ACCSL: variants seen among roughly 807,000 people sequenced by gnomAD.
The protein encoded by ACCSL is probable inactive 1-aminocyclopropane-1-carboxylate synthase-like protein 2.
In ACCSL, 55 loss-of-function variants were observed where a neutral mutation model predicts 61.7. The ratio of observed to expected loss-of-function variants is 0.89; its 90% CI spans 0.72 to 1.12. The LOEUF is 1.12. Among genes scored for constraint, ACCSL ranks in the 50% most tolerant of loss-of-function variants. The pLI, the probability that ACCSL is intolerant of heterozygous loss-of-function variation, is 0.00. For synonymous variants in ACCSL, 258 were observed against 264.3 expected (o/e 0.98, Z 0.23); for missense variants, 632 against 698.0 (o/e 0.91, Z 1.07).
chr11:44,056,133 G>A, intron 10 of ACCSL, 48 bp downstream of exon 10: 2 of 1,614,176 alleles, frequency 1.2e-6, no homozygotes, highest in Non-Finnish European at 1.7e-6. Flanking sequence ...GAGGAGCCAG[G>A]AATAGAAGGC....
At chr11:44,031,598 C>A in the ACCSL span, among the ~76,000 whole-genome samples, 1 of 152,002 alleles carries the variant, frequency 6.6e-6, no homozygotes, top group African/African-American at 2.4e-5. Context: ...GGTGGGAGGG[C>A]CTTCAGACTG....
chr11:43,930,381 G>A, the ACCSL span, among the ~76,000 whole-genome samples: 1 of 152,190 alleles, frequency 6.6e-6, no homozygotes, highest in Non-Finnish European at 1.5e-5. Flanking sequence ...ATGTTGAAAT[G>A]TGACTCCCAG....
the ACCSL span, among the ~76,000 whole-genome samples, chr11:43,927,726 A>G: frequency 6.6e-6 from 1 of 152,240 alleles, no homozygotes. Context: ...CAGAAAGAGT[A>G]CACCAATTTA....
chr11:44,009,136 C>T, the ACCSL span, among the ~76,000 whole-genome samples: 1 of 152,134 alleles, frequency 6.6e-6, no homozygotes, highest in Non-Finnish European at 1.5e-5. Context: ...GCACTGCATT[C>T]CAGCCTGGGT....
At chr11:44,002,533 A>C in the ACCSL span, among the ~76,000 whole-genome samples, 1 of 151,988 alleles carries the variant, frequency 6.6e-6, no homozygotes, top group African/African-American at 2.4e-5. Flanking sequence ...CTGGCAACCA[A>C]CTCAGGGTTT....
chr11:43,989,700 C>T, the ACCSL span, among the ~76,000 whole-genome samples: 2 of 152,246 alleles, frequency 1.3e-5, no homozygotes, highest in Non-Finnish European at 2.9e-5. Flanking sequence ...CTTTCCACTT[C>T]TCTGCACTAT....
At chr11:43,974,993 G>A in the ACCSL span, among the ~76,000 whole-genome samples, 7 of 152,154 alleles carry the variant, frequency 4.6e-5, no homozygotes, top group Non-Finnish European at 1.0e-4. Flanking sequence ...AGCAATAAAG[G>A]AAAAATGGAG....
the ACCSL span, among the ~76,000 whole-genome samples, chr11:43,953,669 C>T: frequency 2.6e-5 from 4 of 152,078 alleles, no homozygotes; most frequent in Non-Finnish European, 4.4e-5. Flanking sequence ...CTCCCCTCAG[C>T]GCCACAACAG....
At chr11:43,980,361 A>G in the ACCSL span, among the ~76,000 whole-genome samples, 1 of 152,236 alleles carries the variant, frequency 6.6e-6, no homozygotes, top group African/African-American at 2.4e-5. Flanking sequence ...TGTTCTGTAG[A>G]AACATTGGAG....
At chr11:43,976,337 A>T in the ACCSL span, among the ~76,000 whole-genome samples, 3 of 152,206 alleles carry the variant, frequency 2.0e-5, no homozygotes, top group Non-Finnish European at 4.4e-5. Context: ...TGATATTCAC[A>T]TCCTCGTATC....
the ACCSL span, among the ~76,000 whole-genome samples, chr11:43,953,610 T>C: frequency 6.6e-6 from 1 of 151,196 alleles, no homozygotes; most frequent in Non-Finnish European, 1.5e-5. Flanking sequence ...CTGGGTGTCC[T>C]CACTGTTCAT....
chr11:43,992,297 C>T, the ACCSL span, among the ~76,000 whole-genome samples: 4 of 152,178 alleles, frequency 2.6e-5, no homozygotes, highest in African/African-American at 7.2e-5. Flanking sequence ...AGGCGATCCC[C>T]GCCTCTCCTG....
At chr11:43,947,101 C>T in the ACCSL span, 1 of 152,230 alleles carries the variant, frequency 6.6e-6, no homozygotes, top group Non-Finnish European at 1.5e-5. Context: ...TCTGGTGAGG[C>T]CTTGAGAAGC....
At chr11:44,027,824 T>G in the ACCSL span, among the ~76,000 whole-genome samples, 3 of 152,226 alleles carry the variant, frequency 2.0e-5, no homozygotes, top group Non-Finnish European at 4.4e-5. Flanking sequence ...GACTTTGTGC[T>G]TAGGACAAGG....
the ACCSL span, among the ~76,000 whole-genome samples, chr11:44,027,312 T>G: frequency 1.3e-5 from 2 of 152,252 alleles, no homozygotes; most frequent in African/African-American, 4.8e-5. Flanking sequence ...GGTATGTGCA[T>G]GCCTCTGAAC....
At chr11:44,054,447 CTT>C (rs67313576) in intron 8 of ACCSL, among the ~76,000 whole-genome samples, 4 of 138,412 alleles carry the variant, frequency 2.9e-5, no homozygotes, top group Admixed American at 2.1e-4. Flanking sequence ...TTCTTTCTTT[CTT>C]TTTTTTTTTT....
chr11:43,925,402 G>C, the ACCSL span: 1 of 456,224 alleles, frequency 2.2e-6, no homozygotes, highest in South Asian at 1.5e-5. Flanking sequence ...CCAAGGAGTG[G>C]TATTGATCGT....
the ACCSL span, among the ~76,000 whole-genome samples, chr11:44,027,895 C>T: frequency 1.2e-4 from 18 of 152,220 alleles, no homozygotes; most frequent in South Asian, 1.9e-3. Flanking sequence ...CTGGGTGTGG[C>T]GGCTCATGCC....
chr11:43,942,045 T>C, the ACCSL span, among the ~76,000 whole-genome samples: 3 of 147,236 alleles, frequency 2.0e-5, no homozygotes, highest in East Asian at 2.0e-4. Flanking sequence ...CGTGTGTGTG[T>C]GTGTGTGTGT....
Sources: allele counts gnomAD v4.1 joint callset (sites outside exome capture counted in the v4.1 genomes callset), GRCh38; gene constraint gnomAD v4.1.1; transcripts MANE v1.5; gene names NCBI Gene and HGNC (gene_info 2026-07-23, HGNC 2026-07-21).